The following RNF10 variants were observed in gnomAD, a reference collection of about 807,000 sequenced individuals.
RNF10 encodes E3 ubiquitin-protein ligase RNF10.
A neutral mutation model predicts 91.4 loss-of-function variants in RNF10; 38 were observed. The observed-to-expected ratio is 0.42, with a 90% confidence interval of 0.32 to 0.54. The LOEUF (loss-of-function observed/expected upper bound fraction) is 0.54, where lower values mean the gene tolerates loss of function less well. Ranked by LOEUF, RNF10 falls within the 20% of genes least tolerant of loss-of-function variation. RNF10 has a pLI of 0.16. For synonymous variants in RNF10, 364 were observed against 366.3 expected, an observed-to-expected ratio of 0.99 and a Z score of 0.07; for missense variants, 945 against 1,012.0, an observed-to-expected ratio of 0.93 and a Z score of 0.90.
Position 120,576,727 on chromosome 12 carries a change from GC to G in RNF10, c.*62del. The G allele has an allele frequency of 1.9e-6, 3 of 1,586,966 alleles. No individual in the cohort carries two copies. The highest frequency in any genetic ancestry group is 2.6e-6 in the Non-Finnish European group (3 of 1,170,634). On this transcript the variant is annotated 3_prime_UTR_variant, in exon 17 of 17. Transcript: ENST00000325954. ...TTGTTTTTGTTTTTTTTTCCCCCAT[GC>G]TTTTGTTTGGCTGCTGTAATTTTTA...
At position 120,571,864 on chromosome 12, in the gene RNF10, C is replaced by T. The variant is rs1876679224; in HGVS notation, c.2142+573C>T. Among the ~76,000 whole-genome samples the T allele has an allele frequency of 3.9e-5, 6 of 152,056 alleles. No individual in the cohort carries two copies. In the South Asian group the frequency reaches 1.0e-3, roughly 26 times the overall value. ...TACTGCACCTAGCCAAAGCAGCTTCCTTGGAGCTGGGTGGGGGAACGATAG... is the reference window on the plus strand; with the variant it reads ...TACTGCACCTAGCCAAAGCAGCTTCTTTGGAGCTGGGTGGGGGAACGATAG... On this transcript the variant is annotated intron_variant, in intron 14 of 16. Coordinates refer to ENST00000325954, the MANE Select transcript of RNF10 (RefSeq NM_014868.5).
At position 120,560,730 on chromosome 12, in the gene RNF10, A is replaced by G. The variant is rs150600491; in HGVS notation, c.972A>G (p.Glu324=). 1,786 of 1,612,384 alleles carry G rather than the reference A, an allele frequency of 1.1e-3. 21 individuals are homozygous for G. The South Asian group carries it at 0.013, about 12-fold the overall frequency. The change falls in exon 7 of 17, where the codon GAA becomes GAG. Residue 324 remains glutamate (E), a synonymous_variant. Transcript: ENST00000325954. ...ATCTTGCTGGCATTCTTATAGATGA[A>G]CAGCACAGCCAGTACTCCAAGTTGC... The part of the protein sequence containing the change: ...NVDHPIHLGD[E]QHSQYSKLLL...
At chr12:120,570,768 A>G (rs1283991302) in intron 13 of RNF10, among the ~76,000 whole-genome samples, 1 of 152,206 alleles carries the variant, frequency 6.6e-6, no homozygotes, top group African/African-American at 2.4e-5. Context: ...CCCAGGTCAT[A>G]GTGTCTACTA....
At chr12:120,558,893 C>T (rs939080631) in intron 6 of RNF10, among the ~76,000 whole-genome samples, 5 of 151,190 alleles carry the variant, frequency 3.3e-5, no homozygotes, top group African/African-American at 1.2e-4. Context: ...TTAGTGTCCA[C>T]AGAATTTTCG....
chr12:120,571,044 G>T, intron 13 of RNF10, 147 bp from the exon 14 acceptor site: 1 of 610,654 alleles, frequency 1.6e-6, no homozygotes, highest in Non-Finnish European at 2.9e-6. Context: ...ACATGGAAGA[G>T]TTGAAAGTTG....
intron 5 of RNF10, 21 bp downstream of exon 5, chr12:120,557,487 C>G (rs2137202019): frequency 6.2e-7 from 1 of 1,613,476 alleles, no homozygotes; most frequent in Non-Finnish European, 8.5e-7. Flanking sequence ...GACATTTACT[C>G]AGTTAGATCC....
At chr12:120,546,367 A>G in intron 1 of RNF10, 38 bp from the exon 2 acceptor site, 1 of 1,580,280 alleles carries the variant, frequency 6.3e-7, no homozygotes, top group Non-Finnish European at 8.6e-7. Context: ...TGAATGTATC[A>G]GCTTCTTAAG....
intron 1 of RNF10, among the ~76,000 whole-genome samples, chr12:120,544,151 C>T (rs1000849733): frequency 5.9e-5 from 9 of 151,904 alleles, no homozygotes; most frequent in East Asian, 5.8e-4. Flanking sequence ...TGCTGGAACC[C>T]GGGAGGTAGA....
chr12:120,569,323 T>C (rs771133862), intron 13 of RNF10, among the ~76,000 whole-genome samples: 2 of 151,318 alleles, frequency 1.3e-5, no homozygotes, highest in East Asian at 3.9e-4. Context: ...GTGTCCATCA[T>C]TGGAATATTT....
chr12:120,561,818 A>G (rs1261750784), intron 7 of RNF10, among the ~76,000 whole-genome samples: 1 of 152,196 alleles, frequency 6.6e-6, no homozygotes. Flanking sequence ...TTCAAATGCC[A>G]TTACAGGCAT....
Position 120,552,487 on chromosome 12 carries a change from C to T in RNF10, c.355-12C>T, listed in dbSNP as rs199993342. 3.1e-6 allele frequency: 5 copies of T among 1,609,910 alleles called. No individual in the cohort carries two copies. The highest frequency in any genetic ancestry group is 4.2e-6 in the Non-Finnish European group (5 of 1,176,716). ...CTAATCTGAAATACTGATTCATTCT[C>T]ATTCTCTCTAGGTAGCAGAGGCTCA... On this transcript the variant is annotated splice_polypyrimidine_tract_variant and intron_variant, in intron 2 of 16. Transcript: ENST00000325954.
At chr12:120,558,937 A>C (rs1432243650) in intron 6 of RNF10, among the ~76,000 whole-genome samples, 2 of 148,222 alleles carry the variant, frequency 1.3e-5, no homozygotes, top group South Asian at 2.1e-4. Flanking sequence ...TTAACCCTTT[A>C]TTTGAGATGG....
intron 6 of RNF10, 42 bp downstream of exon 6, chr12:120,557,724 T>C: frequency 6.2e-7 from 1 of 1,604,442 alleles, no homozygotes; most frequent in Non-Finnish European, 8.5e-7. Context: ...CCTGGGTACA[T>C]TCTTTAAGGT....
At chr12:120,562,418 G>A (rs1163576757) in intron 7 of RNF10, among the ~76,000 whole-genome samples, 2 of 151,544 alleles carry the variant, frequency 1.3e-5, no homozygotes, top group Admixed American at 1.3e-4. Context: ...GGAATTACAG[G>A]CATGCCCCAC....
rs1875549052 is a variant in RNF10, at chr12:120,565,418, C to T, written c.1784-10C>T. The T allele has an allele frequency of 1.4e-5, 22 of 1,613,326 alleles. No homozygotes were observed. The highest frequency in any genetic ancestry group is 1.8e-5 in the Non-Finnish European group (21 of 1,179,524). On this transcript the variant is annotated splice_polypyrimidine_tract_variant and intron_variant, in intron 11 of 16. Coordinates refer to ENST00000325954, the MANE Select transcript of RNF10 (RefSeq NM_014868.5). ...TGGGTCTACCTCTTTACAACCTGAC[C>T]AATCTGCAGATGACATTGAGAAGAG...
At chr12:120,550,581 G>C (rs1360745433) in intron 2 of RNF10, among the ~76,000 whole-genome samples, 1 of 151,898 alleles carries the variant, frequency 6.6e-6, no homozygotes, top group Admixed American at 6.6e-5. Context: ...GGAGAATGTG[G>C]CGTTTTTTTG....
chr12:120,573,209 T>C (rs1257314313), intron 14 of RNF10, among the ~76,000 whole-genome samples: 1 of 152,174 alleles, frequency 6.6e-6, no homozygotes, highest in Non-Finnish European at 1.5e-5. Context: ...CACAGTAATA[T>C]CTAATATGGT....
At position 120,546,390 on chromosome 12, in the gene RNF10, GT is replaced by G. The variant is rs767576998; in HGVS notation, c.158-12del. 1.0e-5 allele frequency: 16 copies of G among 1,601,378 alleles called. No homozygotes were observed. Among genetic ancestry groups the G allele is most frequent in the African/African-American group, 1.4e-5 (1 of 74,006 alleles). On this transcript the variant is annotated splice_polypyrimidine_tract_variant and intron_variant, in intron 1 of 16. Coordinates refer to ENST00000325954, the MANE Select transcript of RNF10 (RefSeq NM_014868.5). ...TCAGCTTCTTAAGACGTTCTTTTGT[GT>G]TTCTTGCTTTCAGATGGAAAGAACT...
At chr12:120,535,597 A>T (rs1352981687) in intron 1 of RNF10, 1 of 152,220 alleles carries the variant, frequency 6.6e-6, no homozygotes, top group Non-Finnish European at 1.5e-5. Flanking sequence ...ATATAATTAA[A>T]TAAACTTAAA....
Sources: gnomAD v4.1 joint callset for allele counts (sites outside exome capture counted in the v4.1 genomes callset) on GRCh38, gnomAD v4.1.1 for gene constraint, MANE v1.5 for transcripts, NCBI Gene and HGNC (gene_info 2026-07-23, HGNC 2026-07-21) for gene names.